Variants in CPNE4 observed in about 807,000 individuals in gnomAD.
CPNE4 encodes copine 4.
Under a neutral mutation model 67.9 loss-of-function variants are expected in CPNE4, and 25 were observed. That is an observed-to-expected ratio of 0.37 (90% CI 0.27 to 0.51). The LOEUF (loss-of-function observed/expected upper bound fraction) is 0.51. Among genes scored for constraint, CPNE4 ranks in the 20% least tolerant of loss-of-function variants. The probability of loss-of-function intolerance (pLI) is 0.93; values close to 1 mark genes in which losing one functional copy is unlikely to be tolerated. For synonymous variants in CPNE4, 242 were observed against 244.9 expected, an observed-to-expected ratio of 0.99 and a Z score of 0.11; for missense variants, 464 against 690.8, an observed-to-expected ratio of 0.67 and a Z score of 3.68.
chr3:131,542,526 A>G (rs377259106), intron 15 of CPNE4, 31 bp downstream of exon 15: 28 of 1,485,444 alleles, frequency 1.9e-5, no homozygotes, highest in African/African-American at 1.7e-4. Flanking sequence ...CTGCTCTTCC[A>G]TGAAAAGTGC....
At chr3:131,932,071 T>C (rs981687435) in intron 1 of CPNE4, among the ~76,000 whole-genome samples, 2 of 152,172 alleles carry the variant, frequency 1.3e-5, no homozygotes, top group Non-Finnish European at 2.9e-5. Flanking sequence ...GGAAAATTCA[T>C]GGGCTTTCCT....
intron 1 of CPNE4, among the ~76,000 whole-genome samples, chr3:131,990,903 C>T (rs6439328): frequency 0.91 from 122,376 of 134,246 alleles, 58,513 homozygotes; most frequent in African/African-American, 0.98. Context: ...TTTCTTGTGA[C>T]AGTGAATTCT....
intron 1 of CPNE4, among the ~76,000 whole-genome samples, chr3:131,925,831 C>A (rs2070878560): frequency 6.6e-6 from 1 of 152,154 alleles, no homozygotes. Context: ...GAGAAATAAA[C>A]ATAGGCATTC....
At chr3:131,763,883 A>G (rs2082948076) in intron 2 of CPNE4, among the ~76,000 whole-genome samples, 1 of 152,142 alleles carries the variant, frequency 6.6e-6, no homozygotes, top group Non-Finnish European at 1.5e-5. Context: ...CAATAATATG[A>G]CTTTGATTAA....
At chr3:131,708,975 T>C (rs1255976310) in intron 3 of CPNE4, among the ~76,000 whole-genome samples, 2 of 92,360 alleles carry the variant, frequency 2.2e-5, no homozygotes, top group Non-Finnish European at 4.4e-5. Context: ...TATATATATA[T>C]ATATATATAT....
chr3:132,038,278 G>A (rs1353117198), upstream of CPNE4, among the ~76,000 whole-genome samples: 10 of 152,246 alleles, frequency 6.6e-5, no homozygotes, highest in South Asian at 2.1e-3. Context: ...TAAGAGTCAA[G>A]GGAAAATGAA....
At chr3:131,873,205 T>C (rs905491425) in intron 2 of CPNE4, among the ~76,000 whole-genome samples, 4 of 152,246 alleles carry the variant, frequency 2.6e-5, no homozygotes, top group African/African-American at 7.2e-5. Context: ...CTCTTTGTTT[T>C]CCCAGTCCCA....
chr3:131,750,362 TTTTG>T (rs1448200589), intron 2 of CPNE4, among the ~76,000 whole-genome samples: 3 of 152,144 alleles, frequency 2.0e-5, no homozygotes, highest in Non-Finnish European at 2.9e-5. Context: ...ATTTTATTGT[TTTTG>T]TTTGTTTTCT....
At chr3:131,580,443 TATAC>T (rs1937744412) in intron 9 of CPNE4, among the ~76,000 whole-genome samples, 1 of 120,688 alleles carries the variant, frequency 8.3e-6, no homozygotes, top group Admixed American at 9.1e-5. Flanking sequence ...TACATATACA[TATAC>T]ATATACATAT....
intron 7 of CPNE4, among the ~76,000 whole-genome samples, chr3:131,634,281 C>G (rs762226744): frequency 6.6e-6 from 1 of 152,180 alleles, no homozygotes; most frequent in Non-Finnish European, 1.5e-5. Context: ...CATCCATTCA[C>G]TGACTTAATA....
At chr3:131,885,936 A>G (rs1452631865) in intron 2 of CPNE4, among the ~76,000 whole-genome samples, 1 of 152,208 alleles carries the variant, frequency 6.6e-6, no homozygotes, top group Non-Finnish European at 1.5e-5. Context: ...AAAATTTGCA[A>G]CCTGACAATG....
intron 2 of CPNE4, among the ~76,000 whole-genome samples, chr3:131,871,044 G>A (rs986451074): frequency 6.6e-6 from 1 of 152,100 alleles, no homozygotes; most frequent in Non-Finnish European, 1.5e-5. Flanking sequence ...GTAGTCCATG[G>A]AGAAAGTTCC....
chr3:131,628,937 G>C (rs1367807249), intron 7 of CPNE4, among the ~76,000 whole-genome samples: 1 of 152,052 alleles, frequency 6.6e-6, no homozygotes, highest in Admixed American at 6.6e-5. Context: ...CTTGCCTTCT[G>C]CTAGCTTTTG....
intron 1 of CPNE4, among the ~76,000 whole-genome samples, chr3:131,921,501 A>G (rs549029977): frequency 6.6e-6 from 1 of 152,324 alleles, no homozygotes; most frequent in South Asian, 2.1e-4. Flanking sequence ...CAGAGTGATC[A>G]AGTACATGAA....
At chr3:131,920,566 G>A (rs555481420) in intron 1 of CPNE4, among the ~76,000 whole-genome samples, 18 of 152,066 alleles carry the variant, frequency 1.2e-4, no homozygotes, top group African/African-American at 3.9e-4. Context: ...TCTTGGGTGT[G>A]GGGGTATTTT....
intron 2 of CPNE4, among the ~76,000 whole-genome samples, chr3:131,831,682 T>G (rs943261875): frequency 6.6e-6 from 1 of 152,144 alleles, no homozygotes; most frequent in Non-Finnish European, 1.5e-5. Context: ...ATAAAAAATT[T>G]TAAGGGATAA....
At chr3:131,823,352 C>T (rs1212090871) in intron 2 of CPNE4, among the ~76,000 whole-genome samples, 1 of 152,144 alleles carries the variant, frequency 6.6e-6, no homozygotes, top group Non-Finnish European at 1.5e-5. Context: ...CCAAGGTCCC[C>T]TGTATTTGAC....
chr3:131,797,837 T>C (rs1185932282), intron 2 of CPNE4, among the ~76,000 whole-genome samples: 2 of 152,112 alleles, frequency 1.3e-5, no homozygotes, highest in Non-Finnish European at 2.9e-5. Context: ...TGAATAAAAT[T>C]ACCCCATGCA....
chr3:131,994,377 A>C (rs554599300), intron 1 of CPNE4, among the ~76,000 whole-genome samples: 1 of 136,194 alleles, frequency 7.3e-6, no homozygotes, highest in East Asian at 2.3e-4. Context: ...ATGAAATTAC[A>C]CTTTGAAATG....
Sources: gnomAD v4.1 joint callset for allele counts (sites outside exome capture counted in the v4.1 genomes callset) on GRCh38, gnomAD v4.1.1 for gene constraint, MANE v1.5 for transcripts, NCBI Gene and HGNC (gene_info 2026-07-23, HGNC 2026-07-21) for gene names.